The following C16orf74 variants were observed in gnomAD, a reference collection of about 807,000 sequenced individuals.
C16orf74 encodes the protein uncharacterized protein C16orf74.
A neutral mutation model predicts 6.5 loss-of-function variants in C16orf74; 10 were observed. The ratio of observed to expected loss-of-function variants is 1.54; its 90% CI spans 0.95 to 2.61. The LOEUF (loss-of-function observed/expected upper bound fraction) is 2.61, where lower values mean the gene tolerates loss of function less well. Among genes scored for constraint, C16orf74 ranks in the 30% most tolerant of loss-of-function variants. C16orf74 has a pLI of 0.00. For synonymous variants in C16orf74, 60 were observed against 42.5 expected (o/e 1.41, Z -1.60); for missense variants, 141 against 105.9 (o/e 1.33, Z -1.45).
chr16:85,710,087 G>C, intron 3 of C16orf74, 77 bp downstream of exon 3: 3 of 1,278,218 alleles, frequency 2.3e-6, no homozygotes, highest in Non-Finnish European at 3.0e-6. Context: ...CCCGTGGCCA[G>C]GAAGGACGCC....
intron 2 of C16orf74, among the ~76,000 whole-genome samples, chr16:85,726,340 G>A (rs117816977): frequency 0.013 from 1,936 of 152,346 alleles, 25 homozygotes; most frequent in Non-Finnish European, 0.02. Context: ...ATGTTTGTGT[G>A]GAGTTGCCCG....
intron 2 of C16orf74, among the ~76,000 whole-genome samples, chr16:85,729,831 G>C (rs1334975722): frequency 2.6e-5 from 4 of 152,194 alleles, no homozygotes. Flanking sequence ...GAGGCAGGAA[G>C]GTTCCTCCTT....
intron 2 of C16orf74, among the ~76,000 whole-genome samples, chr16:85,724,841 C>A (rs442069): frequency 6.6e-6 from 1 of 151,990 alleles, no homozygotes; most frequent in African/African-American, 2.4e-5. Context: ...CTACAGGGAT[C>A]AAAAAGACAG....
At chr16:85,724,301 C>T (rs1201153058) in intron 2 of C16orf74, among the ~76,000 whole-genome samples, 1 of 152,124 alleles carries the variant, frequency 6.6e-6, no homozygotes, top group Non-Finnish European at 1.5e-5. Flanking sequence ...CATTCCTCAC[C>T]TTTGTCCATC....
chr16:85,745,597 C>G (rs576849069), intron 1 of C16orf74, among the ~76,000 whole-genome samples: 2 of 151,476 alleles, frequency 1.3e-5, no homozygotes, highest in African/African-American at 4.8e-5. Flanking sequence ...CTCCCGCTGG[C>G]TGAGGGACCC....
intron 1 of C16orf74, among the ~76,000 whole-genome samples, chr16:85,742,905 A>C (rs1160273305): frequency 6.6e-6 from 1 of 152,198 alleles, no homozygotes; most frequent in Non-Finnish European, 1.5e-5. Context: ...CAAATGGACT[A>C]AGACAGGTGT....
At chr16:85,731,737 G>C (rs917487858) in intron 2 of C16orf74, among the ~76,000 whole-genome samples, 1 of 151,960 alleles carries the variant, frequency 6.6e-6, no homozygotes, top group Non-Finnish European at 1.5e-5. Context: ...ACCCAGGCTG[G>C]AGTGCAGTGG....
chr16:85,730,302 C>G (rs1430692484), intron 2 of C16orf74, among the ~76,000 whole-genome samples: 4 of 152,140 alleles, frequency 2.6e-5, no homozygotes, highest in African/African-American at 7.2e-5. Flanking sequence ...GAGCCCATGT[C>G]TCATTTCTAG....
intron 2 of C16orf74, among the ~76,000 whole-genome samples, chr16:85,714,163 G>A (rs868692997): frequency 2.0e-5 from 3 of 152,032 alleles, no homozygotes; most frequent in African/African-American, 7.3e-5. Context: ...GGAATCAGCC[G>A]ACTCCCTGGG....
At position 85,708,070 on chromosome 16, in the gene C16orf74, G is replaced by A. The variant is rs749882953; in HGVS notation, c.173-4C>T. 18 of 1,552,808 alleles carry A rather than the reference G, an allele frequency of 1.2e-5. No homozygotes were observed. The South Asian group carries it at 1.7e-4, about 14-fold the overall frequency. Reference sequence around the variant, plus strand: ...GACCCTGTCTCATCCAGCCAGACTAGGAGAAAGAGGGGATGGACACCTGGA... The same window carrying A: ...GACCCTGTCTCATCCAGCCAGACTAAGAGAAAGAGGGGATGGACACCTGGA... On this transcript the variant is annotated splice_region_variant and splice_polypyrimidine_tract_variant and intron_variant, in intron 3 of 3. Coordinates refer to ENST00000284245, the MANE Select transcript of C16orf74 (RefSeq NM_206967.3).
chr16:85,750,022 G>A (rs929339681), intron 1 of C16orf74, among the ~76,000 whole-genome samples: 1 of 152,182 alleles, frequency 6.6e-6, no homozygotes, highest in Admixed American at 6.5e-5. Flanking sequence ...CCAGGACAGG[G>A]GCCTCCCCAC....
chr16:85,716,422 G>T (rs1453887522), intron 2 of C16orf74, among the ~76,000 whole-genome samples: 1 of 142,932 alleles, frequency 7.0e-6, no homozygotes, highest in Non-Finnish European at 1.5e-5. Flanking sequence ...GGAGAAGAGG[G>T]AGAGAGGAGG....
chr16:85,713,370 C>T lies in C16orf74; in HGVS notation c.29-3063G>A, dbSNP rs555504105. On this transcript the variant is annotated intron_variant, in intron 2 of 3. Transcript: ENST00000284245. ...CACTGCAACCTCTGCCTCTCGGGTT[C>T]AAACAAAATCTCCTGTCTCAGCCTC... 3.8e-4 allele frequency among the ~76,000 whole-genome samples: 58 copies of T among 152,262 alleles called. 3 individuals are homozygous for T. The South Asian group carries it at 0.012, about 31-fold the overall frequency.
chr16:85,733,619 CT>C (rs1226685624), intron 2 of C16orf74, among the ~76,000 whole-genome samples: 2 of 152,248 alleles, frequency 1.3e-5, no homozygotes, highest in South Asian at 2.1e-4. Flanking sequence ...CACTGGGGAA[CT>C]CATGTCTAAG....
chr16:85,710,585 C>G (rs2053959871), intron 2 of C16orf74: 1 of 402,416 alleles, frequency 2.5e-6, no homozygotes, highest in East Asian at 5.0e-5. Flanking sequence ...AGTTGTCAGC[C>G]TTTACCATGT....
chr16:85,720,079 G>C (rs2054067430), intron 2 of C16orf74, among the ~76,000 whole-genome samples: 1 of 151,816 alleles, frequency 6.6e-6, no homozygotes, highest in Non-Finnish European at 1.5e-5. Context: ...TCCAATTACA[G>C]GGAAAGCTTT....
chr16:85,738,631 C>T (rs922400398), intron 1 of C16orf74, among the ~76,000 whole-genome samples: 4 of 151,972 alleles, frequency 2.6e-5, no homozygotes, highest in East Asian at 3.9e-4. Flanking sequence ...GCGCCGGGCC[C>T]GGCACTGGGA....
chr16:85,736,195 G>C (rs1409884357), intron 1 of C16orf74, among the ~76,000 whole-genome samples: 1 of 152,152 alleles, frequency 6.6e-6, no homozygotes, highest in Admixed American at 6.5e-5. Flanking sequence ...GGGGTTTCTG[G>C]GGCTGGTTTG....
intron 2 of C16orf74, among the ~76,000 whole-genome samples, chr16:85,730,173 A>G (rs984390396): frequency 2.6e-5 from 4 of 152,142 alleles, no homozygotes; most frequent in East Asian, 1.9e-4. Flanking sequence ...TGAAGCCCGC[A>G]GGGAAGAACG....
Sources: allele counts gnomAD v4.1 joint callset (sites outside exome capture counted in the v4.1 genomes callset), GRCh38; gene constraint gnomAD v4.1.1; transcripts MANE v1.5; gene names NCBI Gene and HGNC (gene_info 2026-07-23, HGNC 2026-07-21).